Variants in TPTE2 observed in about 807,000 individuals in gnomAD.
TPTE2 encodes the protein transmembrane phosphoinositide 3-phosphatase and tensin homolog 2.
TPTE2 carries 53 observed loss-of-function variants against 78.6 expected under a neutral mutation model. The ratio of observed to expected loss-of-function variants is 0.67; its 90% confidence interval spans 0.54 to 0.85. The LOEUF (loss-of-function observed/expected upper bound fraction) is 0.85. Among genes scored for constraint, TPTE2 ranks in the 40% least tolerant of loss-of-function variants. The pLI is 0.00. For synonymous variants in TPTE2, 175 were observed against 206.2 expected, an observed-to-expected ratio of 0.85 and a Z score of 1.30; for missense variants, 461 against 623.0, an observed-to-expected ratio of 0.74 and a Z score of 2.77.
chr13:19,454,913 T>TA (rs1878447569), intron 10 of TPTE2, among the ~76,000 whole-genome samples: 1 of 152,174 alleles, frequency 6.6e-6, no homozygotes, highest in Admixed American at 6.5e-5. Context: ...TAACCTGCTT[T>TA]AAAAAACAAT....
At chr13:19,484,006 TATGAGTGAGAAC>T (rs1880513806) in intron 3 of TPTE2, among the ~76,000 whole-genome samples, 1 of 139,434 alleles carries the variant, frequency 7.2e-6, no homozygotes, top group South Asian at 2.4e-4. Context: ...TATTCCCACC[TATGAGTGAGAAC>T]ATGTGATGTT....
At chr13:19,487,251 C>CAGCTG (rs1880717318) in intron 3 of TPTE2, among the ~76,000 whole-genome samples, 1 of 152,080 alleles carries the variant, frequency 6.6e-6, no homozygotes, top group Non-Finnish European at 1.5e-5. Context: ...TGGGCATACA[C>CAGCTG]AGCTGCTTGT....
the TPTE2 span, among the ~76,000 whole-genome samples, chr13:19,543,304 C>T: frequency 6.6e-6 from 1 of 151,856 alleles, no homozygotes; most frequent in Admixed American, 6.6e-5. Flanking sequence ...CTGCCTGCCT[C>T]AGCCTCCCAA....
intron 10 of TPTE2, among the ~76,000 whole-genome samples, chr13:19,459,128 T>C (rs1355856336): frequency 1.3e-5 from 2 of 152,196 alleles, no homozygotes; most frequent in Admixed American, 6.5e-5. Context: ...TGGCATGAGA[T>C]GGTATCTCAT....
At chr13:19,465,153 T>C (rs2137565999) in intron 9 of TPTE2, 102 bp downstream of exon 12, 1 of 1,433,280 alleles carries the variant, frequency 7.0e-7, no homozygotes, top group Non-Finnish European at 9.8e-7. Flanking sequence ...TTCTCAAGAA[T>C]AAAGAATATT....
chr13:19,483,420 G>C (rs768067483), intron 3 of TPTE2, among the ~76,000 whole-genome samples: 1 of 151,882 alleles, frequency 6.6e-6, no homozygotes, highest in Non-Finnish European at 1.5e-5. Context: ...ACTTCCTCTA[G>C]GTTTTCAAAT....
Position 19,434,025 on chromosome 13 carries a change from G to A in TPTE2, c.1117-1447C>T, listed in dbSNP as rs1460809796. Among the ~76,000 whole-genome samples the A allele has an allele frequency of 6.6e-5, 10 of 152,164 alleles. 1 individual carries two copies. Among genetic ancestry groups the A allele is most frequent in the Admixed American group, 3.9e-4 (6 of 15,272 alleles). ...GCCCTCAAGCTACTTGTGCTCCCAC[G>A]CTTCCTTCTCCTACAACTTAAAACA... On this transcript the variant is annotated intron_variant, in intron 15 of 19. Coordinates refer to ENST00000400230, the Ensembl canonical transcript of TPTE2.
chr13:19,497,156 C>T (rs1193897623), intron 1 of TPTE2, among the ~76,000 whole-genome samples: 103 of 150,704 alleles, frequency 6.8e-4, no homozygotes, highest in Non-Finnish European at 1.2e-3. Context: ...CCTACGCCCA[C>T]GGAGTCTCGC....
At chr13:19,483,654 T>C (rs2137615962) in intron 3 of TPTE2, among the ~76,000 whole-genome samples, 1 of 152,354 alleles carries the variant, frequency 6.6e-6, no homozygotes, top group Non-Finnish European at 1.5e-5. Context: ...CTTCATTATT[T>C]ATTTCCTTTT....
chr13:19,534,329 A>C (rs1179222115), intron 1 of TPTE2, among the ~76,000 whole-genome samples: 1 of 152,158 alleles, frequency 6.6e-6, no homozygotes, highest in Non-Finnish European at 1.5e-5. Flanking sequence ...AAAGTTGAAA[A>C]ATTTTAAGTC....
At chr13:19,553,776 G>A in the TPTE2 span, among the ~76,000 whole-genome samples, 5 of 152,114 alleles carry the variant, frequency 3.3e-5, no homozygotes, top group African/African-American at 9.7e-5. Flanking sequence ...GGTTGCCTGC[G>A]TACTGTGTGT....
intron 1 of TPTE2, among the ~76,000 whole-genome samples, chr13:19,526,858 T>C (rs1870536113): frequency 6.6e-6 from 1 of 152,072 alleles, no homozygotes; most frequent in African/African-American, 2.4e-5. Context: ...ATGGTTAATA[T>C]TGATGTATAG....
chr13:19,484,714 C>G (rs191198965), intron 3 of TPTE2, among the ~76,000 whole-genome samples: 43 of 152,112 alleles, frequency 2.8e-4, no homozygotes, highest in African/African-American at 1.0e-3. Flanking sequence ...TGAATTGAAC[C>G]CTTTATTATT....
chr13:19,514,707 T>C (rs1869691818), intron 1 of TPTE2, among the ~76,000 whole-genome samples: 1 of 151,936 alleles, frequency 6.6e-6, no homozygotes, highest in Non-Finnish European at 1.5e-5. Context: ...TCTATATCAA[T>C]GGCTAGTTCC....
At chr13:19,560,467 A>T in the TPTE2 span, 4 of 1,602,904 alleles carry the variant, frequency 2.5e-6, no homozygotes, top group East Asian at 8.9e-5. Context: ...GCGCTGGGCC[A>T]CACCCGGCAC....
At chr13:19,510,882 G>C (rs545777810) in intron 1 of TPTE2, among the ~76,000 whole-genome samples, 1 of 152,232 alleles carries the variant, frequency 6.6e-6, no homozygotes, top group Non-Finnish European at 1.5e-5. Context: ...AAATTCATAA[G>C]TTATCACATA....
At chr13:19,482,456 G>C (rs1470781687) in intron 4 of TPTE2, 32 bp downstream of exon 7, 1 of 1,606,112 alleles carries the variant, frequency 6.2e-7, no homozygotes, top group Non-Finnish European at 8.5e-7. Flanking sequence ...TCCATCAATG[G>C]CTCCCTCCTT....
At chr13:19,507,303 C>CT (rs779878705), upstream of TPTE2, among the ~76,000 whole-genome samples, 3,221 of 24,406 alleles carry the variant, frequency 0.13, 50 homozygotes, top group Middle Eastern at 0.3. Context: ...ACTAGCTGTT[C>CT]TAAAAAAAAA....
chr13:19,478,125 A>C (rs1184283966), intron 4 of TPTE2, among the ~76,000 whole-genome samples: 2 of 152,222 alleles, frequency 1.3e-5, no homozygotes, highest in African/African-American at 2.4e-5. Flanking sequence ...GCAGGTGAAC[A>C]AAAGCAATGG....
Sources: allele counts gnomAD v4.1 joint callset (sites outside exome capture counted in the v4.1 genomes callset), GRCh38; gene constraint gnomAD v4.1.1; transcripts MANE v1.5; gene names NCBI Gene and HGNC (gene_info 2026-07-23, HGNC 2026-07-21).